Variants in DLG2 observed in about 807,000 individuals in gnomAD.
DLG2 encodes disks large homolog 2.
A neutral mutation model predicts 132.5 loss-of-function variants in DLG2; 45 were observed. The ratio of observed to expected loss-of-function variants is 0.34; its 90% CI spans 0.27 to 0.44. DLG2 has a LOEUF of 0.44. Ranked by LOEUF, DLG2 falls within the 20% of genes least tolerant of loss-of-function variation. DLG2 has a pLI of 1.00. For synonymous variants in DLG2, 424 were observed against 419.6 expected (o/e 1.01, Z -0.13); for missense variants, 1,045 against 1,196.9 (o/e 0.87, Z 1.87).
At chr11:85,317,341 A>T (rs2080755457) in intron 3 of DLG2, among the ~76,000 whole-genome samples, 1 of 151,950 alleles carries the variant, frequency 6.6e-6, no homozygotes, top group Non-Finnish European at 1.5e-5. Flanking sequence ...CTAACATGCC[A>T]ACTTCTCCAG....
rs2093992613 is a variant in DLG2 at position 84,122,838 on chromosome 11, GACAC to G, written c.625-23795_625-23792del. Among the ~76,000 whole-genome samples the G allele has an allele frequency of 2.0e-5, 3 of 151,808 alleles. No homozygotes were observed. In the South Asian group the frequency reaches 6.2e-4, roughly 32 times the overall value. On this transcript the variant is annotated intron_variant, in intron 9 of 27. Coordinates refer to ENST00000376104, the MANE Select transcript of DLG2 (RefSeq NM_001142699.3). ...ACCAAACATATAACACACACACATA[GACAC>G]ACACACGCACCCCACACATTAGTGA... is the stretch of plus-strand genomic sequence containing the variant.
intron 6 of DLG2, among the ~76,000 whole-genome samples, chr11:85,042,332 C>T (rs2061945426): frequency 6.6e-6 from 1 of 151,962 alleles, no homozygotes. Context: ...CTGGGAACTT[C>T]AAACTTAGTT....
chr11:83,943,039 C>T (rs866067255), intron 14 of DLG2, among the ~76,000 whole-genome samples: 70 of 152,242 alleles, frequency 4.6e-4, no homozygotes, highest in African/African-American at 1.6e-3. Context: ...GGGAGTTTCC[C>T]TGCACAAGTT....
chr11:83,914,232 C>A (rs1013793718), intron 15 of DLG2, among the ~76,000 whole-genome samples: 2 of 152,046 alleles, frequency 1.3e-5, no homozygotes, highest in African/African-American at 2.4e-5. Context: ...TTAGTTCCTG[C>A]AAGATCTGGC....
intron 17 of DLG2, among the ~76,000 whole-genome samples, chr11:83,797,373 CACA>C (rs1401230910): frequency 1.3e-5 from 2 of 152,060 alleles, no homozygotes; most frequent in African/African-American, 4.8e-5. Context: ...AGTAAGAACA[CACA>C]ACAATCCCCA....
chr11:85,105,011 T>C (rs1045239876), intron 6 of DLG2, among the ~76,000 whole-genome samples: 1 of 151,424 alleles, frequency 6.6e-6, no homozygotes, highest in Non-Finnish European at 1.5e-5. Flanking sequence ...AAGAGGAAGC[T>C]GGGGACACTG....
chr11:84,609,415 C>G (rs183420844), intron 6 of DLG2, among the ~76,000 whole-genome samples: 82 of 152,162 alleles, frequency 5.4e-4, no homozygotes, highest in African/African-American at 1.7e-3. Context: ...ACTATCTTGT[C>G]TCAGAGTTAC....
At chr11:84,257,752 T>C (rs2154355288) in intron 7 of DLG2, among the ~76,000 whole-genome samples, 1 of 147,004 alleles carries the variant, frequency 6.8e-6, no homozygotes, top group Middle Eastern at 3.6e-3. Context: ...AGTAGTCCCA[T>C]CTTGGCTTAC....
intron 3 of DLG2, among the ~76,000 whole-genome samples, chr11:85,289,133 C>A (rs568626882): frequency 6.6e-6 from 1 of 152,186 alleles, no homozygotes; most frequent in East Asian, 1.9e-4. Context: ...AAGAAAATAA[C>A]CATGATTAAG....
At chr11:84,908,300 TTAA>T (rs531184086) in intron 6 of DLG2, among the ~76,000 whole-genome samples, 50 of 152,322 alleles carry the variant, frequency 3.3e-4, no homozygotes, top group Non-Finnish European at 6.9e-4. Flanking sequence ...AAGATAAAGA[TTAA>T]TGAGATACTT....
intron 3 of DLG2, among the ~76,000 whole-genome samples, chr11:85,456,383 T>A (rs543220593): frequency 1.3e-5 from 2 of 152,282 alleles, no homozygotes; most frequent in East Asian, 3.9e-4. Flanking sequence ...TACATAGCAG[T>A]CTATCTATCT....
chr11:83,700,423 T>C, intron 18 of DLG2, among the ~76,000 whole-genome samples: 1 of 152,182 alleles, frequency 6.6e-6, no homozygotes, highest in East Asian at 1.9e-4. Flanking sequence ...GTCATGCAGC[T>C]CTATTCCCAG....
intron 7 of DLG2, among the ~76,000 whole-genome samples, chr11:84,282,254 C>G (rs2097860937): frequency 6.6e-6 from 1 of 151,904 alleles, no homozygotes; most frequent in Non-Finnish European, 1.5e-5. Context: ...AGAGGACAAA[C>G]AAAAAGTACA....
At chr11:84,896,877 A>T (rs1041394216) in intron 6 of DLG2, among the ~76,000 whole-genome samples, 10 of 151,940 alleles carry the variant, frequency 6.6e-5, no homozygotes, top group African/African-American at 2.4e-4. Context: ...ATAGCTGGAA[A>T]AAAAAAACAT....
chr11:85,362,973 T>C (rs1243726784), intron 3 of DLG2, among the ~76,000 whole-genome samples: 3 of 152,186 alleles, frequency 2.0e-5, no homozygotes, highest in Non-Finnish European at 4.4e-5. Flanking sequence ...AGAGCTGGTT[T>C]AATGACAGGC....
chr11:85,381,425 C>T (rs2085879207), intron 3 of DLG2, among the ~76,000 whole-genome samples: 1 of 152,032 alleles, frequency 6.6e-6, no homozygotes, highest in East Asian at 1.9e-4. Flanking sequence ...AAGGTTTTCC[C>T]CTAAGATCAG....
chr11:84,271,412 G>C (rs1199732523), intron 7 of DLG2, among the ~76,000 whole-genome samples: 2 of 152,126 alleles, frequency 1.3e-5, no homozygotes, highest in Non-Finnish European at 2.9e-5. Flanking sequence ...TGGACACATA[G>C]GGGTCTATTC....
chr11:85,008,013 G>A (rs1177152856), intron 6 of DLG2, among the ~76,000 whole-genome samples: 1 of 152,038 alleles, frequency 6.6e-6, no homozygotes, highest in African/African-American at 2.4e-5. Flanking sequence ...GCAGGATCTG[G>A]GGCAGAACTC....
intron 3 of DLG2, among the ~76,000 whole-genome samples, chr11:85,348,947 CATT>C (rs1229047864): frequency 6.6e-6 from 1 of 152,168 alleles, no homozygotes; most frequent in African/African-American, 2.4e-5. Flanking sequence ...GTTTAAAAAT[CATT>C]GAGTTGCTCA....
Sources: allele counts gnomAD v4.1 joint callset (sites outside exome capture counted in the v4.1 genomes callset), GRCh38; gene constraint gnomAD v4.1.1; transcripts MANE v1.5; gene names NCBI Gene and HGNC (gene_info 2026-07-23, HGNC 2026-07-21).